CACNA2D3: variants seen among roughly 807,000 people sequenced by gnomAD.
The protein encoded by CACNA2D3 is calcium voltage-gated channel auxiliary subunit alpha2delta 3, also known as voltage-dependent calcium channel subunit alpha-2/delta-3.
A neutral mutation model predicts 160.6 loss-of-function variants in CACNA2D3; 60 were observed. The observed-to-expected ratio is 0.37, with a 90% confidence interval of 0.30 to 0.46. CACNA2D3 has a LOEUF of 0.46. CACNA2D3 is among the 20% of genes least tolerant of loss of function. The pLI is 1.00. For missense variants in CACNA2D3, 1,205 were observed against 1,365.0 expected (o/e 0.88, Z 1.85); for synonymous variants, 558 against 492.9 (o/e 1.13, Z -1.75).
chr3:54,535,694 T>G (rs940469150), intron 5 of CACNA2D3, among the ~76,000 whole-genome samples: 4 of 152,220 alleles, frequency 2.6e-5, no homozygotes, highest in African/African-American at 9.7e-5. Flanking sequence ...CTTTATGCTG[T>G]TGAATATTTA....
chr3:54,922,157 T>G (rs992222345), intron 27 of CACNA2D3, among the ~76,000 whole-genome samples: 2 of 152,078 alleles, frequency 1.3e-5, no homozygotes, highest in Admixed American at 6.6e-5. Context: ...AGGACTGGAA[T>G]GGGCCGTAGG....
At chr3:54,369,352 C>T (rs1339552944) in intron 3 of CACNA2D3, among the ~76,000 whole-genome samples, 1 of 152,038 alleles carries the variant, frequency 6.6e-6, no homozygotes, top group Non-Finnish European at 1.5e-5. Flanking sequence ...GACAGGGAGC[C>T]GTGGTCGTGC....
At chr3:54,126,277 T>C (rs891328630) in intron 2 of CACNA2D3, among the ~76,000 whole-genome samples, 1 of 152,234 alleles carries the variant, frequency 6.6e-6, no homozygotes, top group African/African-American at 2.4e-5. Context: ...TAATTGGCCA[T>C]GCATCTATTT....
chr3:54,850,481 C>A lies in CACNA2D3; in HGVS notation c.1626+4014C>A, dbSNP rs1244644604. Among the ~76,000 whole-genome samples the A allele has an allele frequency of 1.2e-4, 19 of 152,208 alleles. 1 individual carries two copies. The East Asian group carries it at 3.1e-3, about 25-fold the overall frequency. On this transcript the variant is annotated intron_variant, in intron 17 of 37. Transcript: ENST00000474759. ...TTTTGTTTTCTTGCTTTTTATAATT[C>A]CTTTGTATTTGAGAGCTTTAGGAAT...
chr3:54,619,266 A>T (rs1698929909), intron 9 of CACNA2D3, among the ~76,000 whole-genome samples: 1 of 152,244 alleles, frequency 6.6e-6, no homozygotes, highest in African/African-American at 2.4e-5. Flanking sequence ...GTTCACAGGC[A>T]TGGTAATCAT....
At chr3:54,319,201 C>CACACACA (rs1559448362) in intron 2 of CACNA2D3, among the ~76,000 whole-genome samples, 6 of 146,786 alleles carry the variant, frequency 4.1e-5, no homozygotes, top group Admixed American at 6.8e-5. Flanking sequence ...CACACACACA[C>CACACACA]CCTTCCTCGA....
chr3:54,156,570 T>C (rs970732420), intron 2 of CACNA2D3, among the ~76,000 whole-genome samples: 3 of 152,186 alleles, frequency 2.0e-5, no homozygotes, highest in African/African-American at 7.2e-5. Flanking sequence ...CCGGTCTTCA[T>C]GTTCTTATAT....
chr3:54,848,806 C>G (rs1350581891), intron 17 of CACNA2D3, among the ~76,000 whole-genome samples: 1 of 152,210 alleles, frequency 6.6e-6, no homozygotes, highest in African/African-American at 2.4e-5. Context: ...CTGAGCTGCA[C>G]TTTTCTCTTG....
chr3:54,620,940 T>C (rs1297175817), intron 9 of CACNA2D3, among the ~76,000 whole-genome samples: 1 of 152,224 alleles, frequency 6.6e-6, no homozygotes, highest in Non-Finnish European at 1.5e-5. Flanking sequence ...ACTTTGCCAG[T>C]ATTGGCTGCC....
At chr3:54,642,455 A>G (rs887856746) in intron 11 of CACNA2D3, among the ~76,000 whole-genome samples, 1 of 152,200 alleles carries the variant, frequency 6.6e-6, no homozygotes, top group South Asian at 2.1e-4. Context: ...ACTTGTAAAG[A>G]CATAGTGGAC....
intron 27 of CACNA2D3, among the ~76,000 whole-genome samples, chr3:54,941,232 A>G (rs577185374): frequency 6.6e-6 from 1 of 152,232 alleles, no homozygotes; most frequent in South Asian, 2.1e-4. Flanking sequence ...TCCAAAAAGT[A>G]AAAAAACAGG....
At chr3:54,969,602 T>A (rs1702227866) in intron 28 of CACNA2D3, among the ~76,000 whole-genome samples, 198 bp from the exon 29 acceptor site, 1 of 152,172 alleles carries the variant, frequency 6.6e-6, no homozygotes. Context: ...TTTACATTAC[T>A]ACTTGGAATT....
At chr3:54,352,668 T>C (rs1206035836) in intron 3 of CACNA2D3, among the ~76,000 whole-genome samples, 1 of 152,160 alleles carries the variant, frequency 6.6e-6, no homozygotes, top group Non-Finnish European at 1.5e-5. Context: ...TTGGGGTACT[T>C]CCACAAATTG....
At chr3:54,991,650 GTCT>G (rs369012047) in intron 31 of CACNA2D3, among the ~76,000 whole-genome samples, 13 of 152,268 alleles carry the variant, frequency 8.5e-5, no homozygotes, top group African/African-American at 3.1e-4. Flanking sequence ...TGTCATAGGA[GTCT>G]TCTTCTTTCA....
chr3:54,609,244 C>T (rs1021633368), intron 9 of CACNA2D3, among the ~76,000 whole-genome samples: 5 of 152,068 alleles, frequency 3.3e-5, no homozygotes, highest in Admixed American at 2.6e-4. Flanking sequence ...ATCTGTATAC[C>T]AAGAAAGGAG....
At chr3:54,299,938 G>A (rs1703436354) in intron 2 of CACNA2D3, among the ~76,000 whole-genome samples, 2 of 152,176 alleles carry the variant, frequency 1.3e-5, no homozygotes, top group East Asian at 1.9e-4. Context: ...GCTGATGAAC[G>A]TGGGATGGTG....
intron 9 of CACNA2D3, among the ~76,000 whole-genome samples, chr3:54,605,043 T>C (rs1451441405): frequency 6.6e-6 from 1 of 152,166 alleles, no homozygotes; most frequent in Non-Finnish European, 1.5e-5. Flanking sequence ...TTTGGCCTGC[T>C]CCTAGTTTTG....
At chr3:54,625,749 T>C (rs1264008419) in intron 9 of CACNA2D3, among the ~76,000 whole-genome samples, 1 of 152,158 alleles carries the variant, frequency 6.6e-6, no homozygotes, top group East Asian at 1.9e-4. Context: ...CCAGCAAATC[T>C]TCTGCCCAGC....
intron 2 of CACNA2D3, among the ~76,000 whole-genome samples, chr3:54,224,294 A>C (rs957438385): frequency 6.6e-6 from 1 of 152,080 alleles, no homozygotes; most frequent in East Asian, 1.9e-4. Flanking sequence ...TTTTTAATGA[A>C]GTAGAAGGAG....
Sources: gnomAD v4.1 joint callset for allele counts (sites outside exome capture counted in the v4.1 genomes callset) on GRCh38, gnomAD v4.1.1 for gene constraint, MANE v1.5 for transcripts, NCBI Gene and HGNC (gene_info 2026-07-23, HGNC 2026-07-21) for gene names.